The following FGF7 variants were observed in gnomAD, a reference collection of about 807,000 sequenced individuals.
The protein encoded by FGF7 is fibroblast growth factor 7, also known as FGF-7.
A neutral mutation model predicts 20.5 loss-of-function variants in FGF7; 6 were observed. That is an observed-to-expected ratio of 0.29 (90% CI 0.16 to 0.58). The LOEUF is 0.58. FGF7 is among the 20% of genes least tolerant of loss of function. The pLI, the probability that FGF7 is intolerant of heterozygous loss-of-function variation, is 0.90. For synonymous variants in FGF7, 64 were observed against 74.7 expected (o/e 0.86, Z 0.74); for missense variants, 144 against 228.8 (o/e 0.63, Z 2.39).
intron 2 of FGF7, 133 bp downstream of exon 2, chr15:49,424,716 A>G: frequency 1.4e-6 from 1 of 713,040 alleles, no homozygotes; most frequent in South Asian, 2.3e-5. Context: ...ATTTCTCTAA[A>G]TTGAACTATG....
At chr15:49,457,382 T>A (rs2053406782) in intron 2 of FGF7, among the ~76,000 whole-genome samples, 1 of 152,034 alleles carries the variant, frequency 6.6e-6, no homozygotes, top group Non-Finnish European at 1.5e-5. Context: ...GAGAGATAAC[T>A]TTTTTAAAAA....
At chr15:49,448,305 T>C (rs2151870840) in intron 2 of FGF7, among the ~76,000 whole-genome samples, 1 of 151,840 alleles carries the variant, frequency 6.6e-6, no homozygotes, top group East Asian at 1.9e-4. Flanking sequence ...TTTCTCCCTC[T>C]TTTCTTTTCC....
At chr15:49,443,645 A>G (rs2051890963) in intron 2 of FGF7, among the ~76,000 whole-genome samples, 1 of 151,766 alleles carries the variant, frequency 6.6e-6, no homozygotes, top group South Asian at 2.1e-4. Context: ...CACTCATATC[A>G]TTGAGAAGTG....
At chr15:49,427,868 A>T (rs1009246899) in intron 2 of FGF7, among the ~76,000 whole-genome samples, 1 of 152,008 alleles carries the variant, frequency 6.6e-6, no homozygotes, top group African/African-American at 2.4e-5. Context: ...AGTGGTGGGC[A>T]AGTGGATGTG....
intron 2 of FGF7, chr15:49,425,534 A>C (rs1486654114): frequency 6.6e-6 from 1 of 151,936 alleles, no homozygotes; most frequent in Non-Finnish European, 1.5e-5. Context: ...TTAATATATA[A>C]TTTCATATTA....
intron 2 of FGF7, among the ~76,000 whole-genome samples, chr15:49,437,452 G>A (rs2051209884): frequency 6.6e-6 from 1 of 151,520 alleles, no homozygotes; most frequent in Admixed American, 6.6e-5. Flanking sequence ...AAAGTAAGAG[G>A]CAAAAGAAAG....
intron 2 of FGF7, among the ~76,000 whole-genome samples, chr15:49,455,662 CAT>C (rs2053217793): frequency 6.6e-6 from 1 of 152,084 alleles, no homozygotes; most frequent in South Asian, 2.1e-4. Context: ...TCTAAACAGA[CAT>C]ATTTTTAAAT....
At chr15:49,457,124 C>A (rs995987321) in intron 2 of FGF7, among the ~76,000 whole-genome samples, 1 of 151,994 alleles carries the variant, frequency 6.6e-6, no homozygotes, top group African/African-American at 2.4e-5. Flanking sequence ...GTTTGGGTTT[C>A]ATTTCATGAA....
rs550516319 is a variant in FGF7 at position 49,472,110 on chromosome 15, T to C, written c.287-11041T>C. Among the ~76,000 whole-genome samples, 7 of 152,140 alleles carry C rather than the reference T, an allele frequency of 4.6e-5. No individual in the cohort carries two copies. The East Asian group carries it at 1.2e-3, about 25-fold the overall frequency. On this transcript the variant is annotated intron_variant, in intron 2 of 3. Coordinates refer to ENST00000267843, the MANE Select transcript of FGF7 (RefSeq NM_002009.4). ...TGTCTTTCTGGCTGTTAGCTTAGAA[T>C]AACTGAAAAAATAGGCTCCTGGAGT...
chr15:49,450,298 T>C (rs892046032), intron 2 of FGF7, among the ~76,000 whole-genome samples: 5 of 152,244 alleles, frequency 3.3e-5, no homozygotes, highest in Middle Eastern at 3.4e-3. Context: ...CAATACAAGA[T>C]AACTCTTTCT....
chr15:49,465,769 T>A (rs2054215004), intron 2 of FGF7, among the ~76,000 whole-genome samples: 2 of 152,198 alleles, frequency 1.3e-5, no homozygotes, highest in Admixed American at 1.3e-4. Flanking sequence ...ATTTAGCAAA[T>A]ACTTTTGTTA....
At chr15:49,433,272 G>A (rs1401918836) in intron 2 of FGF7, among the ~76,000 whole-genome samples, 1 of 151,302 alleles carries the variant, frequency 6.6e-6, no homozygotes, top group African/African-American at 2.4e-5. Context: ...GATTCTTTCT[G>A]TTTGCATTTG....
chr15:49,457,741 G>A (rs1180518796), intron 2 of FGF7, among the ~76,000 whole-genome samples: 1 of 151,724 alleles, frequency 6.6e-6, no homozygotes, highest in East Asian at 1.9e-4. Flanking sequence ...CAAGTTTTGA[G>A]GCTTTATTTA....
chr15:49,435,192 A>AT (rs2066775083), intron 2 of FGF7, among the ~76,000 whole-genome samples: 1 of 151,678 alleles, frequency 6.6e-6, no homozygotes, highest in South Asian at 2.1e-4. Flanking sequence ...ATCTTTGACC[A>AT]TAAGTGTAAC....
intron 2 of FGF7, among the ~76,000 whole-genome samples, chr15:49,454,633 G>A (rs967564792): frequency 7.9e-5 from 12 of 151,790 alleles, no homozygotes; most frequent in South Asian, 2.1e-4. Context: ...TTTTTGAGAC[G>A]AAGTCTCGCT....
At chr15:49,478,561 G>A (rs1315833445) in intron 2 of FGF7, among the ~76,000 whole-genome samples, 2 of 151,670 alleles carry the variant, frequency 1.3e-5, no homozygotes, top group Non-Finnish European at 2.9e-5. Flanking sequence ...TTTTTTCTTT[G>A]TTGATACTAG....
chr15:49,483,082 A>C (rs2056095345), intron 2 of FGF7, 69 bp from the exon 3 acceptor site: 2 of 851,046 alleles, frequency 2.4e-6, no homozygotes, highest in South Asian at 2.6e-5. Context: ...AATAAGAACA[A>C]ATGGCCATTC....
chr15:49,453,118 AC>A, intron 2 of FGF7, among the ~76,000 whole-genome samples: 1 of 152,130 alleles, frequency 6.6e-6, no homozygotes, highest in Non-Finnish European at 1.5e-5. Context: ...ATTGAGGTCA[AC>A]AAAAAGTGGT....
chr15:49,434,392 T>G (rs561538812), intron 2 of FGF7: 1 of 151,682 alleles, frequency 6.6e-6, no homozygotes, highest in African/African-American at 2.4e-5. Flanking sequence ...AATTAACAGT[T>G]GGGAGTCAAG....
Sources: allele counts gnomAD v4.1 joint callset (sites outside exome capture counted in the v4.1 genomes callset), GRCh38; gene constraint gnomAD v4.1.1; transcripts MANE v1.5; gene names NCBI Gene and HGNC (gene_info 2026-07-23, HGNC 2026-07-21).